The following CEP290 variants were observed in gnomAD, a reference collection of about 807,000 sequenced individuals.
CEP290 encodes the protein centrosomal protein of 290 kDa.
In CEP290, 317 loss-of-function variants were observed where a neutral mutation model predicts 344.9. The ratio of observed to expected loss-of-function variants is 0.92; its 90% CI spans 0.84 to 1.01. The LOEUF (loss-of-function observed/expected upper bound fraction) is 1.01. Ranked by LOEUF, CEP290 falls within the 50% of genes least tolerant of loss-of-function variation. The probability of loss-of-function intolerance (pLI) is 0.00; values close to 1 mark genes in which losing one functional copy is unlikely to be tolerated. For synonymous variants in CEP290, 932 were observed against 895.8 expected, an observed-to-expected ratio of 1.04 and a Z score of -0.72; for missense variants, 2,754 against 2,761.4, an observed-to-expected ratio of 1.00 and a Z score of 0.06.
Position 88,118,580 on chromosome 12 carries a change from A to G in CEP290, c.1624-10T>C, listed in dbSNP as rs2137871528. 1 of 1,606,982 alleles carries G rather than the reference A, an allele frequency of 6.2e-7. No individual in the cohort carries two copies. Among genetic ancestry groups the G allele is most frequent in the South Asian group, 1.1e-5 (1 of 90,404 alleles). On this transcript the variant is annotated splice_polypyrimidine_tract_variant and intron_variant, in intron 16 of 53. Transcript: ENST00000552810. ...CCTCTAGACTTTCAATCTGCAAAGT[A>G]TAAATTATTAGTATTTCTCTATAGT...
intron 52 of CEP290, among the ~76,000 whole-genome samples, chr12:88,052,616 T>C (rs1003433120): frequency 5.3e-5 from 8 of 152,182 alleles, no homozygotes; most frequent in Non-Finnish European, 7.3e-5. Flanking sequence ...ACGGGAAATA[T>C]GTACAGACAT....
chr12:88,136,081 T>G (rs1381545706), intron 6 of CEP290: 1 of 152,166 alleles, frequency 6.6e-6, no homozygotes, highest in African/African-American at 2.4e-5. Context: ...TAATAAAAAC[T>G]ATGCATTAAA....
chr12:88,109,099 T>A lies in CEP290; in HGVS notation c.2450A>T (p.His817Leu). 1 of 1,442,802 alleles carries A rather than the reference T, an allele frequency of 6.9e-7. No individual in the cohort carries two copies. The allele number at this position is 1,442,802 out of a possible 1,614,324, so 89.4% of individuals were successfully genotyped here. A position where few individuals can be genotyped will look rare whatever the true frequency, so the allele number is the denominator to read the frequency against. Residue 817 changes from histidine (H) to leucine (L), a missense_variant, in exon 23 of 54, where the codon CAT becomes CTT. Coordinates refer to ENST00000552810, the MANE Select transcript of CEP290 (RefSeq NM_025114.4). ...DYNRKFAVIRHQQSLLYKEYL... is the reference protein window; with the variant it reads ...DYNRKFAVIRLQQSLLYKEYL... The stretch of plus-strand genomic sequence containing the variant: ...TTCTTTATACAACAAACTTTGTTGA[T>A]GACGAATTACAGCAAATTTTCTGTT...
chr12:88,084,641 T>C lies in CEP290; in HGVS notation c.4649A>G (p.Asn1550Ser), dbSNP rs878947013. Residue 1550 changes from asparagine to serine, a missense_variant, in exon 35 of 54, where the codon AAT (asparagine) becomes AGT (serine). Asn to Ser is a conservative substitution (Grantham distance 46, BLOSUM62 1). Transcript: ENST00000552810. ...QTIANMQARLNQKEEVLKKYQ... is the reference protein window; with the variant it reads ...QTIANMQARLSQKEEVLKKYQ... ...CTTCTTTAATACTTCTTCTTTTTGA[T>C]TTAACCTTGCTTGCATGTTTGCAAT... 1 of 1,613,428 alleles carries C rather than the reference T, an allele frequency of 6.2e-7. No individual in the cohort carries two copies. Among genetic ancestry groups the C allele is most frequent in the African/African-American group, 1.3e-5 (1 of 74,920 alleles).
chr12:88,060,625 TTG>T (rs1359268186), intron 47 of CEP290, among the ~76,000 whole-genome samples: 2 of 152,098 alleles, frequency 1.3e-5, no homozygotes, highest in Non-Finnish European at 2.9e-5. Flanking sequence ...GTGAAAAGTA[TTG>T]GTCTTGAAAT....
At position 88,101,248 on chromosome 12, in the gene CEP290, G is replaced by C. The variant is rs181713089; in HGVS notation, c.2991+1590C>G. ...TGTAATCCCAGCACTTTAGGAGGCC[G>C]AGGCGGGTGGATCACGAGTTCAGGA... On this transcript the variant is annotated intron_variant, in intron 26 of 53. Transcript: ENST00000552810. Among the ~76,000 whole-genome samples the C allele has an allele frequency of 7.9e-5, 12 of 151,916 alleles. No individual in the cohort carries two copies. In the East Asian group the frequency reaches 2.3e-3, roughly 29 times the overall value.
rs376425111 is a variant in CEP290, at chr12:88,087,911, G to A, written c.4063C>T (p.Arg1355Cys). The change falls in exon 32 of 54, where the codon CGT becomes TGT. Residue 1355 changes from arginine to cysteine, a missense_variant. Arg to Cys is a radical substitution (Grantham distance 180). Coordinates refer to ENST00000552810, the MANE Select transcript of CEP290 (RefSeq NM_025114.4). ...CGATTTAGTTTAAGTTCTTGAAGAC[G>A]AAGTTCTTCTATTTTCATATGCCAG... is the stretch of plus-strand genomic sequence containing the variant. ...INWHMKIEEL[R>C]LQELKLNREL... 5.5e-5 allele frequency: 66 copies of A among 1,204,504 alleles called. No individual in the cohort carries two copies. Among genetic ancestry groups the A allele is most frequent in the Non-Finnish European group, 6.5e-5 (61 of 940,874 alleles). 74.6% of individuals were successfully genotyped at this position (1,204,504 alleles called of 1,614,324 possible).
intron 20 of CEP290, 37 bp downstream of exon 20, chr12:88,114,383 A>T (rs576446707): frequency 2.7e-6 from 4 of 1,496,118 alleles, no homozygotes; most frequent in South Asian, 2.6e-5. Context: ...CTCTAAAGTG[A>T]TAGGGGAAAA....
At chr12:88,107,329 C>T (rs1451397943) in intron 23 of CEP290, among the ~76,000 whole-genome samples, 1 of 152,018 alleles carries the variant, frequency 6.6e-6, no homozygotes, top group African/African-American at 2.4e-5. Flanking sequence ...TATTTTCATT[C>T]TTCCCTGATT....
chr12:88,080,532 T>TGG, intron 37 of CEP290, 137 bp from the exon 38 acceptor site: 1 of 618,970 alleles, frequency 1.6e-6, no homozygotes, highest in Non-Finnish European at 2.7e-6. Context: ...CAGATTCAAG[T>TGG]GATTTTTTTG....
chr12:88,089,719 T>C (rs2036874475), intron 30 of CEP290, among the ~76,000 whole-genome samples: 1 of 151,522 alleles, frequency 6.6e-6, no homozygotes. Flanking sequence ...GTGGGTATGT[T>C]ACTGGTGTTT....
At chr12:88,056,108 C>A (rs1183627835) in intron 49 of CEP290, among the ~76,000 whole-genome samples, 1 of 151,846 alleles carries the variant, frequency 6.6e-6, no homozygotes, top group Non-Finnish European at 1.5e-5. Context: ...CATACACAGA[C>A]ACACATAGGA....
At position 88,107,116 on chromosome 12, in the gene CEP290, CA is replaced by C; in HGVS notation, c.2484-19del. On this transcript the variant is annotated intron_variant, in intron 23 of 53. Coordinates refer to ENST00000552810, the MANE Select transcript of CEP290 (RefSeq NM_025114.4). Reference sequence around the variant, plus strand: ...CCTTTTCACTAAAAACAAAACAAAACAAAAAGACAATACTGTAAACCTAATA... The same window carrying C: ...CCTTTTCACTAAAAACAAAACAAAACAAAAGACAATACTGTAAACCTAATA... 1 of 1,376,042 alleles carries C rather than the reference CA, an allele frequency of 7.3e-7. No individual in the cohort carries two copies. Among genetic ancestry groups the C allele is most frequent in the Non-Finnish European group, 9.9e-7 (1 of 1,013,320 alleles). The allele number at this position is 1,376,042 out of a possible 1,614,324, so 85.2% of individuals were successfully genotyped here. A position where few individuals can be genotyped will look rare whatever the true frequency, so the allele number is the denominator to read the frequency against.
Position 88,122,672 on chromosome 12 carries a change from A to G in CEP290, c.1190-1506T>C, listed in dbSNP as rs183132761. On this transcript the variant is annotated intron_variant, in intron 13 of 53. Transcript: ENST00000552810. ...TTTTCCTTATTTGACAGCAGAGATC[A>G]ATTGCCACTTTTTCTCCTAGTAATT... 3.5e-3 allele frequency among the ~76,000 whole-genome samples: 534 copies of G among 152,254 alleles called. 4 individuals carry two copies. Among genetic ancestry groups the G allele is most frequent in the South Asian group, 0.024 (117 of 4,826 alleles).
chr12:88,135,643 C>T (rs1340759933), intron 6 of CEP290: 3 of 152,118 alleles, frequency 2.0e-5, no homozygotes, highest in East Asian at 1.9e-4. Flanking sequence ...AAAATACATA[C>T]ATGAAGAATG....
intron 37 of CEP290, 36 bp from the exon 38 acceptor site, chr12:88,080,431 T>C: frequency 6.7e-7 from 1 of 1,502,472 alleles, no homozygotes; most frequent in South Asian, 1.2e-5. Flanking sequence ...GTGTGTTTTT[T>C]AATTTTTAAT....
chr12:88,106,420 G>A (rs1225088764), intron 25 of CEP290, among the ~76,000 whole-genome samples: 2 of 152,034 alleles, frequency 1.3e-5, no homozygotes, highest in East Asian at 1.9e-4. Context: ...GAAAATTACT[G>A]TCATTTTGTT....
At chr12:88,053,465 C>A (rs1355095068) in intron 52 of CEP290, among the ~76,000 whole-genome samples, 187 bp downstream of exon 52, 1 of 149,026 alleles carries the variant, frequency 6.7e-6, no homozygotes, top group Non-Finnish European at 1.5e-5. Flanking sequence ...ATAGTATAAA[C>A]AACACAAAGA....
intron 18 of CEP290, 107 bp from the exon 19 acceptor site, chr12:88,115,289 C>A (rs2038971347): frequency 1.4e-6 from 1 of 717,568 alleles, no homozygotes; most frequent in African/African-American, 1.8e-5. Context: ...CAAAACAAAA[C>A]AAAAAAAACG....
Sources: allele counts gnomAD v4.1 joint callset (sites outside exome capture counted in the v4.1 genomes callset), GRCh38; gene constraint gnomAD v4.1.1; transcripts MANE v1.5; gene names NCBI Gene and HGNC (gene_info 2026-07-23, HGNC 2026-07-21).